Variants in FMN2 observed in about 807,000 individuals in gnomAD.
FMN2 encodes the protein formin 2, also known as formin-2.
FMN2 carries 51 observed loss-of-function variants against 142.3 expected under a neutral mutation model. The observed-to-expected ratio is 0.36, with a 90% CI of 0.29 to 0.45. The LOEUF (loss-of-function observed/expected upper bound fraction) is 0.45, where lower values mean the gene tolerates loss of function less well. Ranked by LOEUF, FMN2 falls within the 20% of genes least tolerant of loss-of-function variation. The pLI, the probability that FMN2 is intolerant of heterozygous loss-of-function variation, is 1.00. For synonymous variants in FMN2, 882 were observed against 869.8 expected (o/e 1.01, Z -0.25); for missense variants, 1,936 against 2,122.8 (o/e 0.91, Z 1.73).
chr1:240,427,351 G>A lies in FMN2; in HGVS notation c.4911-10710G>A, dbSNP rs750797505. On this transcript the variant is annotated intron_variant, in intron 15 of 17. Coordinates refer to ENST00000319653, the MANE Select transcript of FMN2 (RefSeq NM_020066.5). ...CTCCTGAGTAGCTTGGACTACAGGC[G>A]CCCGCCACCGCGCCCAGCTAATTTT... is the stretch of plus-strand genomic sequence containing the variant. Among the ~76,000 whole-genome samples, 65 of 151,748 alleles carry A rather than the reference G, an allele frequency of 4.3e-4. 1 individual carries two copies. Among genetic ancestry groups the A allele is most frequent in the Middle Eastern group, 3.4e-3 (1 of 294 alleles).
intron 1 of FMN2, among the ~76,000 whole-genome samples, chr1:240,108,460 C>T (rs899836883): frequency 5.3e-5 from 8 of 152,046 alleles, no homozygotes; most frequent in Non-Finnish European, 1.2e-4. Flanking sequence ...TATTCAGTGA[C>T]ATCATAAACT....
intron 6 of FMN2, among the ~76,000 whole-genome samples, chr1:240,247,244 T>G (rs1194082432): frequency 6.6e-6 from 1 of 152,194 alleles, no homozygotes; most frequent in Non-Finnish European, 1.5e-5. Context: ...GGCTCAAGCT[T>G]GTAATCTCAT....
chr1:240,281,710 TTAAAA>T (rs1179028486), intron 7 of FMN2, among the ~76,000 whole-genome samples: 1 of 151,582 alleles, frequency 6.6e-6, no homozygotes, highest in African/African-American at 2.4e-5. Context: ...TTAGCAAAAT[TTAAAA>T]TACGCAATAA....
chr1:240,432,400 T>C (rs968914266), intron 15 of FMN2, among the ~76,000 whole-genome samples: 10 of 152,002 alleles, frequency 6.6e-5, no homozygotes, highest in Admixed American at 3.9e-4. Context: ...TTTTTCTTCA[T>C]CAGTCTGGGT....
At position 240,093,238 on chromosome 1, in the gene FMN2, A is replaced by G. The variant is rs1661069483; in HGVS notation, c.1129A>G (p.Arg377Gly). 1.3e-6 allele frequency: 2 copies of G among 1,553,854 alleles called. No individual in the cohort carries two copies. Among genetic ancestry groups the G allele is most frequent in the African/African-American group, 2.7e-5 (2 of 72,762 alleles). The change falls in exon 1 of 18, where the codon AGG becomes GGG. Residue 377 changes from arginine (R) to glycine (G), a missense_variant. This residue lies in a region of FMN2 where 751 missense variants were observed against 791.8 expected (regional missense o/e 0.95). Coordinates refer to ENST00000319653, the MANE Select transcript of FMN2 (RefSeq NM_020066.5). Reference sequence around the variant, plus strand: ...GGAGGTGGGAGAGGACGCCCCGCAGAGGCTGGGGGAAGAGCCGGAGGAGGA... The same window carrying G: ...GGAGGTGGGAGAGGACGCCCCGCAGGGGCTGGGGGAAGAGCCGGAGGAGGA... ...APEVGEDAPQ[R>G]LGEEPEEEAQ... is the part of the protein sequence containing the mutation.
intron 8 of FMN2, among the ~76,000 whole-genome samples, chr1:240,312,510 T>A (rs1670632444): frequency 1.3e-5 from 2 of 152,218 alleles, no homozygotes; most frequent in African/African-American, 2.4e-5. Context: ...TTTTCCTTAG[T>A]ATTGTATCTC....
chr1:240,310,370 A>T (rs1670561368), intron 8 of FMN2, among the ~76,000 whole-genome samples: 1 of 152,154 alleles, frequency 6.6e-6, no homozygotes, highest in Admixed American at 6.5e-5. Context: ...CCTTATTTAG[A>T]ATGTAATCTT....
At chr1:240,298,353 A>G (rs1325355885) in intron 8 of FMN2, among the ~76,000 whole-genome samples, 1 of 152,206 alleles carries the variant, frequency 6.6e-6, no homozygotes, top group Non-Finnish European at 1.5e-5. Context: ...CCTGATTAAT[A>G]TCTATTAAAA....
At position 240,304,833 on chromosome 1, in the gene FMN2, C is replaced by T. The variant is rs549074592; in HGVS notation, c.4215+9950C>T. 1.3e-3 allele frequency among the ~76,000 whole-genome samples: 202 copies of T among 152,248 alleles called. 1 individual carries two copies. The highest frequency in any genetic ancestry group is 9.5e-3 in the South Asian group (46 of 4,820). On this transcript the variant is annotated intron_variant, in intron 8 of 17. Transcript: ENST00000319653. ...CGTGCACAGCTGCCTGCCACAGGGC[C>T]GGGAGTGGGGGATAGGTAGCTGCTG... is the stretch of plus-strand genomic sequence containing the variant.
chr1:240,334,069 A>G (rs780459456), intron 12 of FMN2, 40 bp from the exon 13 acceptor site: 1 of 1,571,834 alleles, frequency 6.4e-7, no homozygotes, highest in Non-Finnish European at 8.6e-7. Flanking sequence ...TATATTGATA[A>G]CCAATTTCTT....
At chr1:240,418,656 T>C (rs866654382) in intron 15 of FMN2, among the ~76,000 whole-genome samples, 1 of 152,228 alleles carries the variant, frequency 6.6e-6, no homozygotes, top group Non-Finnish European at 1.5e-5. Context: ...TTTTGAGATT[T>C]GCTGTATGGT....
At chr1:240,289,387 G>A (rs1669698895) in intron 7 of FMN2, among the ~76,000 whole-genome samples, 1 of 152,128 alleles carries the variant, frequency 6.6e-6, no homozygotes, top group Non-Finnish European at 1.5e-5. Flanking sequence ...ATACAAATAG[G>A]TTGGGCACCG....
intron 8 of FMN2, among the ~76,000 whole-genome samples, chr1:240,312,569 A>G (rs1468716492): frequency 2.0e-5 from 3 of 152,206 alleles, no homozygotes; most frequent in Non-Finnish European, 4.4e-5. Context: ...ATGAATGCAA[A>G]TAATTGTTTA....
intron 15 of FMN2, among the ~76,000 whole-genome samples, chr1:240,417,320 G>A (rs548112663): frequency 1.4e-3 from 215 of 151,592 alleles, no homozygotes; most frequent in African/African-American, 4.7e-3. Flanking sequence ...ATGTGGGCTC[G>A]ATTTAAAGTC....
At chr1:240,143,026 G>A in intron 2 of FMN2, 1 of 1,502,578 alleles carries the variant, frequency 6.7e-7, no homozygotes, top group Non-Finnish European at 9.2e-7. Context: ...ATGGCCACTG[G>A]ACTCATAAGC....
intron 16 of FMN2, among the ~76,000 whole-genome samples, chr1:240,470,871 C>T: frequency 6.6e-6 from 1 of 151,812 alleles, no homozygotes; most frequent in East Asian, 1.9e-4. Flanking sequence ...AGATTTCTTA[C>T]TATTTGTTTA....
At chr1:240,452,405 T>C (rs1279266147) in intron 16 of FMN2, among the ~76,000 whole-genome samples, 1 of 152,046 alleles carries the variant, frequency 6.6e-6, no homozygotes, top group East Asian at 1.9e-4. Context: ...AGGACAGAGG[T>C]AAAAGTACTA....
intron 8 of FMN2, among the ~76,000 whole-genome samples, chr1:240,306,150 A>G (rs1225799996): frequency 3.9e-5 from 6 of 151,982 alleles, no homozygotes; most frequent in African/African-American, 1.5e-4. Context: ...GTGTTTCACT[A>G]TGTTGGCCAG....
chr1:240,298,594 G>T (rs2102968511), intron 8 of FMN2, among the ~76,000 whole-genome samples: 2 of 152,272 alleles, frequency 1.3e-5, no homozygotes, highest in South Asian at 4.1e-4. Context: ...CTTCCTGTTG[G>T]ATCTGTGGTG....
Sources: gnomAD v4.1 joint callset for allele counts (sites outside exome capture counted in the v4.1 genomes callset) on GRCh38, gnomAD v4.1.1 for gene constraint, gnomAD v4.1.1 regional missense constraint, MANE v1.5 for transcripts, NCBI Gene and HGNC (gene_info 2026-07-23, HGNC 2026-07-21) for gene names.